KCNK10: variants seen among roughly 807,000 people sequenced by gnomAD.
KCNK10 encodes potassium two pore domain channel subfamily K member 10.
In KCNK10, 25 loss-of-function variants were observed where a neutral mutation model predicts 47.7. That is an observed-to-expected ratio of 0.52 (90% CI 0.38 to 0.73). The LOEUF (loss-of-function observed/expected upper bound fraction) is 0.73, where lower values mean the gene tolerates loss of function less well. Ranked by LOEUF, KCNK10 falls within the 30% of genes least tolerant of loss-of-function variation. KCNK10 has a pLI of 0.00. For missense variants in KCNK10, 563 were observed against 714.5 expected (o/e 0.79, Z 2.42); for synonymous variants, 303 against 285.6 (o/e 1.06, Z -0.61).
intron 1 of KCNK10, among the ~76,000 whole-genome samples, chr14:88,276,425 G>T (rs1887529279): frequency 6.6e-6 from 1 of 152,016 alleles, no homozygotes; most frequent in Non-Finnish European, 1.5e-5. Context: ...TTGTGCAAAA[G>T]CTACTCAGTC....
upstream of KCNK10, chr14:88,326,331 A>G (rs944463061): frequency 1.7e-5 from 19 of 1,146,508 alleles, no homozygotes; most frequent in Non-Finnish European, 2.2e-5. Flanking sequence ...CTCCCTCCCA[A>G]GAAAACTTAG....
upstream of KCNK10, among the ~76,000 whole-genome samples, chr14:88,326,091 C>G (rs1157152668): frequency 1.4e-5 from 2 of 147,700 alleles, no homozygotes; most frequent in Non-Finnish European, 3.0e-5. Context: ...CCGCCCCCTC[C>G]TTTCTTTTCC....
intron 4 of KCNK10, among the ~76,000 whole-genome samples, chr14:88,220,339 C>T (rs1885760679): frequency 7.5e-6 from 1 of 133,652 alleles, no homozygotes; most frequent in Admixed American, 8.2e-5. Context: ...ATGGCGTGAA[C>T]CCGGGAGGCG....
intron 1 of KCNK10, among the ~76,000 whole-genome samples, chr14:88,300,528 A>T (rs1888070737): frequency 6.6e-6 from 1 of 152,206 alleles, no homozygotes; most frequent in Non-Finnish European, 1.5e-5. Flanking sequence ...AAAGGCCAAC[A>T]TGCCAGAAAA....
chr14:88,297,445 G>A (rs975939722), intron 1 of KCNK10, among the ~76,000 whole-genome samples: 4 of 152,180 alleles, frequency 2.6e-5, no homozygotes, highest in African/African-American at 7.2e-5. Context: ...ACCATAAAAC[G>A]TAACGTGCCT....
chr14:88,185,757 C>A lies in KCNK10; in HGVS notation c.1410G>T (p.Leu470Phe). Residue 470 changes from leucine to phenylalanine, a missense_variant, in exon 7 of 7, where the codon TTG (leucine) becomes TTT (phenylalanine). Coordinates refer to ENST00000319231, the MANE Select transcript of KCNK10 (RefSeq NM_138317.3). The surrounding 1 kb of genome is among the most constrained non-coding windows in gnomAD (Gnocchi z 4.3). The stretch of plus-strand genomic sequence containing the variant: ...TGTAGATTTTCTGAACGTCCTCGGG[C>A]AAGGTCTTTTTGAGGTCCTTGTTTT... ...KRKNKDLKKT[L>F]PEDVQKIYKT... 1 of 1,614,136 alleles carries A rather than the reference C, an allele frequency of 6.2e-7. No individual in the cohort carries two copies. The highest frequency in any genetic ancestry group is 8.5e-7 in the Non-Finnish European group (1 of 1,180,034).
intron 4 of KCNK10, among the ~76,000 whole-genome samples, chr14:88,199,879 T>C (rs998366976): frequency 6.6e-6 from 1 of 152,250 alleles, no homozygotes; most frequent in African/African-American, 2.4e-5. Context: ...CAAGGTCAGA[T>C]AGATTTAGGT....
At chr14:88,271,393 G>GT (rs1036346175) in intron 1 of KCNK10, among the ~76,000 whole-genome samples, 29 of 152,128 alleles carry the variant, frequency 1.9e-4, no homozygotes, top group African/African-American at 6.5e-4. Context: ...CACTATTGTG[G>GT]TTTTTTCCCA....
At chr14:88,304,498 A>G (rs1286384617) in intron 1 of KCNK10, among the ~76,000 whole-genome samples, 1 of 152,240 alleles carries the variant, frequency 6.6e-6, no homozygotes, top group Admixed American at 6.5e-5. Context: ...AGTCATTCGC[A>G]GTCATGCACA....
intron 3 of KCNK10, 33 bp from the exon 4 acceptor site, chr14:88,227,568 C>T: frequency 1.3e-6 from 2 of 1,559,578 alleles, no homozygotes; most frequent in Non-Finnish European, 1.7e-6. Context: ...GGGAGAGTGG[C>T]AGAGAAATTA....
In KCNK10 at chr14:88,182,729, C is replaced by G. The variant is rs1309231051; in HGVS notation, c.*2806G>C. On this transcript the variant is annotated 3_prime_UTR_variant, in exon 7 of 7. Transcript: ENST00000319231. The stretch of plus-strand genomic sequence containing the variant: ...GACTGATTTGACTCATTTGGGGAAG[C>G]ATCTATGCACATACCAACACATGCA... 3 of 152,340 alleles carry G rather than the reference C, an allele frequency of 2.0e-5. No individual in the cohort carries two copies. Among genetic ancestry groups the G allele is most frequent in the Non-Finnish European group, 4.4e-5 (3 of 68,040 alleles). The allele number at this position is 152,340 out of a possible 1,614,324, so 9.4% of individuals were successfully genotyped here. A position where few individuals can be genotyped will look rare whatever the true frequency, so the allele number is the denominator to read the frequency against.
intron 4 of KCNK10, among the ~76,000 whole-genome samples, chr14:88,218,017 C>G (rs925063371): frequency 6.6e-6 from 1 of 152,068 alleles, no homozygotes. Flanking sequence ...GCCACCACGC[C>G]CGGCTCGATT....
chr14:88,266,614 C>A (rs1025330815), intron 1 of KCNK10, among the ~76,000 whole-genome samples: 1 of 152,160 alleles, frequency 6.6e-6, no homozygotes, highest in Non-Finnish European at 1.5e-5. Context: ...TTCCTTCACA[C>A]AAAAGCCCCA....
intron 4 of KCNK10, among the ~76,000 whole-genome samples, chr14:88,199,215 C>A (rs1427951228): frequency 6.6e-6 from 1 of 152,052 alleles, no homozygotes; most frequent in Non-Finnish European, 1.5e-5. Flanking sequence ...CCACCGTGCC[C>A]GGCCCATGAT....
At chr14:88,218,666 G>A (rs1353417106) in intron 4 of KCNK10, among the ~76,000 whole-genome samples, 1 of 152,012 alleles carries the variant, frequency 6.6e-6, no homozygotes, top group Non-Finnish European at 1.5e-5. Context: ...TCCTACCAGA[G>A]GCCAAAGTCC....
intron 1 of KCNK10, among the ~76,000 whole-genome samples, chr14:88,299,697 G>C (rs1394058480): frequency 6.6e-6 from 1 of 152,130 alleles, no homozygotes; most frequent in Non-Finnish European, 1.5e-5. Context: ...TGATTTCATA[G>C]GTACTAGTGC....
At chr14:88,194,678 G>C (rs906842785) in intron 4 of KCNK10, among the ~76,000 whole-genome samples, 40 of 152,298 alleles carry the variant, frequency 2.6e-4, no homozygotes, top group African/African-American at 8.9e-4. Flanking sequence ...GGCAGACAAG[G>C]AGGTGTATAA....
chr14:88,237,133 T>A (rs543473220), intron 3 of KCNK10, among the ~76,000 whole-genome samples: 1 of 152,254 alleles, frequency 6.6e-6, no homozygotes, highest in Non-Finnish European at 1.5e-5. Flanking sequence ...TTCTTTGTTG[T>A]CATTTCAACA....
chr14:88,237,499 CATT>C (rs1247690201), intron 3 of KCNK10, among the ~76,000 whole-genome samples: 1 of 152,204 alleles, frequency 6.6e-6, no homozygotes, highest in Non-Finnish European at 1.5e-5. Context: ...TCAGAGGAAT[CATT>C]ATGTATGGCA....
Sources: gnomAD v4.1 joint callset for allele counts (sites outside exome capture counted in the v4.1 genomes callset) on GRCh38, gnomAD v4.1.1 for gene constraint, Gnocchi (gnomAD v3.1) non-coding constraint, MANE v1.5 for transcripts, NCBI Gene and HGNC (gene_info 2026-07-23, HGNC 2026-07-21) for gene names.